Variants in SLC6A15 observed in about 807,000 individuals in gnomAD.
SLC6A15 encodes the protein solute carrier family 6 member 15.
A neutral mutation model predicts 68.5 loss-of-function variants in SLC6A15; 33 were observed. The observed-to-expected ratio is 0.48, with a 90% CI of 0.37 to 0.64. The LOEUF (loss-of-function observed/expected upper bound fraction) is 0.64, where lower values mean the gene tolerates loss of function less well. Among genes scored for constraint, SLC6A15 ranks in the 30% least tolerant of loss-of-function variants. The probability of loss-of-function intolerance (pLI) is 0.00; values close to 1 mark genes in which losing one functional copy is unlikely to be tolerated. For synonymous variants in SLC6A15, 347 were observed against 301.0 expected, an observed-to-expected ratio of 1.15 and a Z score of -1.58; for missense variants, 747 against 874.3, an observed-to-expected ratio of 0.85 and a Z score of 1.84.
At chr12:84,910,785 A>G (rs900396471) in intron 1 of SLC6A15, among the ~76,000 whole-genome samples, 3 of 152,264 alleles carry the variant, frequency 2.0e-5, no homozygotes, top group Non-Finnish European at 1.5e-5. Flanking sequence ...AGCAAGCCAT[A>G]CTGCTCAGAC....
In SLC6A15 at chr12:84,860,298, A is replaced by C. The variant is rs1225167175; in HGVS notation, c.*1334T>G. The C allele has an allele frequency of 6.6e-6, 1 of 152,136 alleles. No homozygotes were observed. The highest frequency in any genetic ancestry group is 1.5e-5 in the Non-Finnish European group (1 of 67,958). 9.4% of individuals were successfully genotyped at this position (152,136 alleles called of 1,614,324 possible). On this transcript the variant is annotated 3_prime_UTR_variant, in exon 12 of 12. Coordinates refer to ENST00000266682, the MANE Select transcript of SLC6A15 (RefSeq NM_182767.6). ...AAAGATTTTTAACTAGAGGACACTC[A>C]GTGAGGTTCCTCTGCTCTATCCAAT...
intron 10 of SLC6A15, 83 bp downstream of exon 10, chr12:84,866,951 C>T: frequency 1.3e-5 from 16 of 1,192,146 alleles, no homozygotes; most frequent in South Asian, 5.8e-5. Flanking sequence ...CATTTATTTC[C>T]TCTTCTAAAT....
Position 84,872,658 on chromosome 12 carries a change from C to A in SLC6A15, c.1246G>T (p.Glu416Ter). The A allele has an allele frequency of 6.2e-7, 1 of 1,611,638 alleles. No homozygotes were observed. Among genetic ancestry groups the A allele is most frequent in the Non-Finnish European group, 8.5e-7 (1 of 1,179,518 alleles). Residue 416 changes from glutamate to a stop codon, truncating the protein, a stop_gained, in exon 8 of 12, where the codon GAA (glutamate) becomes TAA (stop). Transcript: ENST00000266682. LOFTEE classifies it high-confidence loss of function. Reference sequence around the variant, plus strand: ...TTGAGATGAAGAGCAGGAAACTCTTCTTCTTTCACTTTTTGAATGATGTCA... The same window carrying A: ...TTGAGATGAAGAGCAGGAAACTCTTATTCTTTCACTTTTTGAATGATGTCA... ...VYDIIQKVKE[E>*]EFPALHLNSC...
chr12:84,903,805 C>T (rs1873001862), intron 1 of SLC6A15, among the ~76,000 whole-genome samples: 1 of 152,078 alleles, frequency 6.6e-6, no homozygotes. Flanking sequence ...TCTGCAAAGA[C>T]TTTTCTTCCA....
chr12:84,885,883 C>T lies in SLC6A15; in HGVS notation c.447+28G>A, dbSNP rs187267743. On this transcript the variant is annotated intron_variant, in intron 3 of 11. Coordinates refer to ENST00000266682, the MANE Select transcript of SLC6A15 (RefSeq NM_182767.6). The stretch of plus-strand genomic sequence containing the variant: ...ATAATTTGAAACCCTATAAAGATTA[C>T]AGCATACACCAACAAAAGGAAACTT... The T allele has an allele frequency of 1.2e-4, 184 of 1,576,870 alleles. 1 individual carries two copies. In the African/African-American group the frequency reaches 2.3e-3, roughly 20 times the overall value.
Position 84,911,070 on chromosome 12 carries a change from A to C in SLC6A15, c.-189+1453T>G, listed in dbSNP as rs553208801. On this transcript the variant is annotated intron_variant, in intron 1 of 11. Coordinates refer to ENST00000266682, the MANE Select transcript of SLC6A15 (RefSeq NM_182767.6). ...CCCAGTACTGGGCGCCTAAGACATA[A>C]ATAGGTCTGTGTTTCAGCAATGATC... 4.6e-5 allele frequency among the ~76,000 whole-genome samples: 7 copies of C among 152,210 alleles called. No homozygotes were observed. In the East Asian group the frequency reaches 9.7e-4, roughly 21 times the overall value.
rs1266901831 is a variant in SLC6A15 at position 84,870,622 on chromosome 12, T to C, written c.1351A>G (p.Thr451Ala). 3.1e-6 allele frequency: 5 copies of C among 1,612,132 alleles called. No homozygotes were observed. The Admixed American group carries it at 8.4e-5, about 27-fold the overall frequency. ...LAFIAFTEAMTHFPASPFWSV... is the reference protein window; with the variant it reads ...LAFIAFTEAMAHFPASPFWSV... Reference sequence around the variant, plus strand: ...CAGAAGGGAGATGCAGGAAAATGTGTCATCGCTTCTGTAAAGGCAATAAAA... The same window carrying C: ...CAGAAGGGAGATGCAGGAAAATGTGCCATCGCTTCTGTAAAGGCAATAAAA... The change falls in exon 9 of 12, where the codon ACA (threonine) becomes GCA (alanine). Residue 451 changes from threonine (T) to alanine (A), a missense_variant. Physicochemically the swap from Thr to Ala is moderately conservative, Grantham distance 58. Coordinates refer to ENST00000266682, the MANE Select transcript of SLC6A15 (RefSeq NM_182767.6).
intron 2 of SLC6A15, among the ~76,000 whole-genome samples, chr12:84,889,200 A>G (rs2120663317): frequency 6.6e-6 from 1 of 152,270 alleles, no homozygotes; most frequent in Non-Finnish European, 1.5e-5. Context: ...TCTAAGCATA[A>G]AAACAGTTGC....
chr12:84,897,632 T>C (rs1031880314), intron 1 of SLC6A15, among the ~76,000 whole-genome samples: 7 of 152,142 alleles, frequency 4.6e-5, no homozygotes, highest in African/African-American at 1.4e-4. Flanking sequence ...ACACTTCTCA[T>C]AATATTCATT....
intron 1 of SLC6A15, among the ~76,000 whole-genome samples, chr12:84,897,666 A>G (rs888330546): frequency 7.2e-5 from 11 of 152,142 alleles, no homozygotes; most frequent in Non-Finnish European, 1.5e-4. Flanking sequence ...CTAAGAGAAA[A>G]ATATATGATC....
chr12:84,868,102 T>C (rs1871136986), intron 9 of SLC6A15, among the ~76,000 whole-genome samples: 1 of 152,068 alleles, frequency 6.6e-6, no homozygotes, highest in Non-Finnish European at 1.5e-5. Context: ...ACGGAGTCAA[T>C]CATATGAACA....
At position 84,876,615 on chromosome 12, in the gene SLC6A15, G is replaced by A. The variant is rs539108282; in HGVS notation, c.757-8C>T. ...AGAACTAAAATATATGATCTGCAAAGAAATAAAAATAAAAATAAGTGAGAT... is the reference window on the plus strand; with the variant it reads ...AGAACTAAAATATATGATCTGCAAAAAAATAAAAATAAAAATAAGTGAGAT... On this transcript the variant is annotated splice_polypyrimidine_tract_variant and splice_region_variant and intron_variant, in intron 5 of 11. Coordinates refer to ENST00000266682, the MANE Select transcript of SLC6A15 (RefSeq NM_182767.6). 14 of 1,374,236 alleles carry A rather than the reference G, an allele frequency of 1.0e-5. No individual in the cohort carries two copies. The South Asian group carries it at 1.7e-4, about 17-fold the overall frequency. The allele number at this position is 1,374,236 out of a possible 1,614,324, so 85.1% of individuals were successfully genotyped here.
chr12:84,891,522 T>A (rs1262900664), intron 2 of SLC6A15, among the ~76,000 whole-genome samples: 1 of 152,180 alleles, frequency 6.6e-6, no homozygotes, highest in African/African-American at 2.4e-5. Context: ...GGGAATAATT[T>A]ACAAGCACAA....
In SLC6A15 at chr12:84,861,498, T is replaced by C. The variant is rs1411228832; in HGVS notation, c.*134A>G. On this transcript the variant is annotated 3_prime_UTR_variant, in exon 12 of 12. Transcript: ENST00000266682. ...ATGCTCAAGTTGAACTGACATATAC[T>C]GTTAGGATTAAAGATCACAGCCACG... The C allele has an allele frequency of 9.1e-6, 9 of 984,208 alleles. 1 individual carries two copies. Among genetic ancestry groups the C allele is most frequent in the African/African-American group, 1.6e-5 (1 of 61,344 alleles). The allele number at this position is 984,208 out of a possible 1,614,324, so 61.0% of individuals were successfully genotyped here.
At chr12:84,880,446 C>G (rs1373424838) in intron 5 of SLC6A15, among the ~76,000 whole-genome samples, 1 of 152,118 alleles carries the variant, frequency 6.6e-6, no homozygotes, top group Non-Finnish European at 1.5e-5. Flanking sequence ...CGTCTTATAA[C>G]TTGAAGTTAT....
intron 8 of SLC6A15, 91 bp from the exon 9 acceptor site, chr12:84,870,761 G>A: frequency 2.8e-6 from 2 of 723,974 alleles, no homozygotes; most frequent in Non-Finnish European, 4.3e-6. Context: ...AAAGATCTCT[G>A]AATAATGGCC....
At chr12:84,885,289 A>G (rs1455247118) in intron 4 of SLC6A15, 146 bp downstream of exon 4, 6 of 742,540 alleles carry the variant, frequency 8.1e-6, no homozygotes, top group Non-Finnish European at 1.2e-5. Flanking sequence ...GAGTATGTCA[A>G]TCCTGAATGT....
At position 84,885,933 on chromosome 12, in the gene SLC6A15, C is replaced by A; in HGVS notation, c.425G>T (p.Gly142Val). 6.2e-7 allele frequency: 1 copy of A among 1,609,600 alleles called. No homozygotes were observed. ...TACTACACAACTTGCAAATCCAATC[C>A]CGCCCAGTTTAGGGCTTATGTAATT... ...VWNYISPKLG[G>V]IGFASCVVCY... is the part of the protein sequence containing the mutation. The change falls in exon 3 of 12, where the codon GGG becomes GTG. Residue 142 changes from glycine (G) to valine (V), a missense_variant. Gly to Val is a moderately radical substitution (Grantham distance 109). Coordinates refer to ENST00000266682, the MANE Select transcript of SLC6A15 (RefSeq NM_182767.6).
At chr12:84,893,512 C>T (rs1565730268) in intron 1 of SLC6A15, among the ~76,000 whole-genome samples, 1 of 151,976 alleles carries the variant, frequency 6.6e-6, no homozygotes, top group African/African-American at 2.4e-5. Flanking sequence ...TACAGTCCAG[C>T]GACACTATGT....
Sources: allele counts gnomAD v4.1 joint callset (sites outside exome capture counted in the v4.1 genomes callset), GRCh38; gene constraint gnomAD v4.1.1; transcripts MANE v1.5; gene names NCBI Gene and HGNC (gene_info 2026-07-23, HGNC 2026-07-21).